RELN: variants seen among roughly 807,000 people sequenced by gnomAD.
RELN encodes reelin.
In RELN, 108 loss-of-function variants were observed where a neutral mutation model predicts 427.6. That is an observed-to-expected ratio of 0.25 (90% CI 0.22 to 0.30). The LOEUF is 0.30. RELN is among the 10% of genes least tolerant of loss of function. The pLI is 1.00. For missense variants in RELN, 3,715 were observed against 4,302.8 expected (o/e 0.86, Z 3.82); for synonymous variants, 1,524 against 1,513.4 (o/e 1.01, Z -0.16).
At chr7:103,723,233 G>T in intron 7 of RELN, 42 bp from the exon 8 acceptor site, 1 of 1,141,790 alleles carries the variant, frequency 8.8e-7, no homozygotes. Flanking sequence ...AAGACAGAGA[G>T]GAGAAAGAGG....
chr7:103,895,146 G>A (rs905503330), intron 2 of RELN, among the ~76,000 whole-genome samples: 1 of 152,062 alleles, frequency 6.6e-6, no homozygotes, highest in South Asian at 2.1e-4. Flanking sequence ...TTATGCACTG[G>A]CAAGAAAAAC....
At chr7:103,902,872 A>C (rs1307372277) in intron 2 of RELN, among the ~76,000 whole-genome samples, 1 of 152,178 alleles carries the variant, frequency 6.6e-6, no homozygotes, top group Non-Finnish European at 1.5e-5. Flanking sequence ...ACATGCCAAG[A>C]ATTCACTTTC....
chr7:103,856,334 T>C (rs1043752069), intron 2 of RELN, among the ~76,000 whole-genome samples: 10 of 151,730 alleles, frequency 6.6e-5, no homozygotes, highest in African/African-American at 2.4e-4. Flanking sequence ...TCCCAGCACT[T>C]TGGGGGGCTG....
chr7:103,960,234 TATACTGTCCCCCTCCAGAC>T (rs997939109), intron 1 of RELN, among the ~76,000 whole-genome samples: 30 of 152,354 alleles, frequency 2.0e-4, no homozygotes, highest in Non-Finnish European at 3.7e-4. Flanking sequence ...CTCACCTTCC[TATACTGTCCCCCTCCAGAC>T]ATACTGTCCA....
At chr7:103,648,221 C>T (rs1186957037) in intron 16 of RELN, among the ~76,000 whole-genome samples, 1 of 151,976 alleles carries the variant, frequency 6.6e-6, no homozygotes, top group African/African-American at 2.4e-5. Context: ...GGATTTCCCC[C>T]TTGCTGTTCT....
rs890773182 is a variant in RELN, at chr7:103,827,859, T to C, written c.473+5678A>G. ...TAAAAGAAAGATGAAATTTCTCCTTTAGAAAATAGCATATCCAGTTTTATC... is the reference window on the plus strand; with the variant it reads ...TAAAAGAAAGATGAAATTTCTCCTTCAGAAAATAGCATATCCAGTTTTATC... On this transcript the variant is annotated intron_variant, in intron 3 of 64. Coordinates refer to ENST00000428762, the MANE Select transcript of RELN (RefSeq NM_005045.4). Among the ~76,000 whole-genome samples the C allele has an allele frequency of 3.3e-5, 5 of 152,086 alleles. No homozygotes were observed. In the East Asian group the frequency reaches 9.6e-4, roughly 29 times the overall value.
At chr7:103,773,594 T>C (rs1395178567) in intron 4 of RELN, among the ~76,000 whole-genome samples, 1 of 151,716 alleles carries the variant, frequency 6.6e-6, no homozygotes, top group African/African-American at 2.4e-5. Flanking sequence ...CTCAGCCTCC[T>C]GAGTAGCTGG....
intron 3 of RELN, among the ~76,000 whole-genome samples, chr7:103,801,223 A>G (rs539802985): frequency 5.9e-5 from 9 of 152,226 alleles, no homozygotes; most frequent in Non-Finnish European, 1.3e-4. Context: ...CAGCCATCCC[A>G]TTACTGGGTA....
intron 33 of RELN, 124 bp downstream of exon 33, chr7:103,566,100 G>A (rs1203416710): frequency 7.2e-6 from 6 of 837,258 alleles, no homozygotes; most frequent in African/African-American, 1.7e-5. Flanking sequence ...TTTTCACTGA[G>A]AGCCACCCTC....
At chr7:103,798,371 T>C (rs1228430360) in intron 3 of RELN, among the ~76,000 whole-genome samples, 1 of 152,176 alleles carries the variant, frequency 6.6e-6, no homozygotes, top group African/African-American at 2.4e-5. Flanking sequence ...CTCCATTTAT[T>C]TATCTGTAAA....
rs1205328786 is a variant in RELN at position 103,471,941 on chromosome 7, G to C, written c.*871C>G. The C allele has an allele frequency of 5.2e-5, 8 of 152,486 alleles. No individual in the cohort carries two copies. Among genetic ancestry groups the C allele is most frequent in the Non-Finnish European group, 7.4e-5 (5 of 68,000 alleles). The allele number at this position is 152,486 out of a possible 1,614,324, so 9.4% of individuals were successfully genotyped here. A position where few individuals can be genotyped will look rare whatever the true frequency, so the allele number is the denominator to read the frequency against. ...CAACTTCATCAGAAGGTATGAATAT[G>C]ACCCGCAGAAAAAACAATCCACGAA... On this transcript the variant is annotated 3_prime_UTR_variant, in exon 65 of 65. Coordinates refer to ENST00000428762, the MANE Select transcript of RELN (RefSeq NM_005045.4).
chr7:103,821,130 A>G (rs2116371506), intron 3 of RELN, among the ~76,000 whole-genome samples: 1 of 152,278 alleles, frequency 6.6e-6, no homozygotes, highest in Admixed American at 6.5e-5. Context: ...AATAATTAAA[A>G]ACCTATCACT....
At chr7:103,612,070 C>A (rs556830158) in intron 20 of RELN, among the ~76,000 whole-genome samples, 2 of 152,034 alleles carry the variant, frequency 1.3e-5, no homozygotes, top group Non-Finnish European at 2.9e-5. Flanking sequence ...TGAATATAAA[C>A]CTTTTGACTC....
At chr7:103,887,756 T>C (rs1794756722) in intron 2 of RELN, among the ~76,000 whole-genome samples, 1 of 151,958 alleles carries the variant, frequency 6.6e-6, no homozygotes, top group Non-Finnish European at 1.5e-5. Context: ...AATTAAAGTG[T>C]TTTGGTGTGT....
intron 3 of RELN, among the ~76,000 whole-genome samples, chr7:103,804,550 A>G (rs1792549822): frequency 6.6e-6 from 1 of 152,156 alleles, no homozygotes; most frequent in Non-Finnish European, 1.5e-5. Context: ...TCCAGGTTAG[A>G]ATATGTTTAA....
chr7:103,658,494 C>T lies in RELN; in HGVS notation c.1441+2882G>A, dbSNP rs940694195. ...CCTATCTATCCTGCCCTATCGTATC[C>T]CACCATATTCCATCCTACCATAACC... On this transcript the variant is annotated intron_variant, in intron 12 of 64. Transcript: ENST00000428762. Among the ~76,000 whole-genome samples, 33 of 152,036 alleles carry T rather than the reference C, an allele frequency of 2.2e-4. 1 individual carries two copies. Among genetic ancestry groups the T allele is most frequent in the African/African-American group, 8.0e-4 (33 of 41,472 alleles).
chr7:103,947,100 TA>T (rs1416505038), intron 1 of RELN, among the ~76,000 whole-genome samples: 1 of 152,212 alleles, frequency 6.6e-6, no homozygotes, highest in African/African-American at 2.4e-5. Flanking sequence ...TGTTGGCATT[TA>T]AAAACTAAAC....
Position 103,662,559 on chromosome 7 carries a change from T to A in RELN, c.1290-1032A>T, listed in dbSNP as rs1162869278. 4.0e-5 allele frequency among the ~76,000 whole-genome samples: 6 copies of A among 149,688 alleles called. No individual in the cohort carries two copies. In the South Asian group the frequency reaches 8.5e-4, roughly 21 times the overall value. The stretch of plus-strand genomic sequence containing the variant: ...ATGGTGTGAACCCAGGAGGCAAAGG[T>A]TGCAGTGAGCCAGCTGAGATTGCAC... On this transcript the variant is annotated intron_variant, in intron 11 of 64. Coordinates refer to ENST00000428762, the MANE Select transcript of RELN (RefSeq NM_005045.4).
At chr7:103,709,920 C>T (rs1461638035) in intron 8 of RELN, among the ~76,000 whole-genome samples, 1 of 151,894 alleles carries the variant, frequency 6.6e-6, no homozygotes, top group Non-Finnish European at 1.5e-5. Flanking sequence ...AATAGAACAT[C>T]AAATAAAGGG....
Sources: gnomAD v4.1 joint callset for allele counts (sites outside exome capture counted in the v4.1 genomes callset) on GRCh38, gnomAD v4.1.1 for gene constraint, MANE v1.5 for transcripts, NCBI Gene and HGNC (gene_info 2026-07-23, HGNC 2026-07-21) for gene names.